Variants in KCTD8 observed in about 807,000 individuals in gnomAD.
The protein encoded by KCTD8 is BTB/POZ domain-containing protein KCTD8.
KCTD8 carries 27 observed loss-of-function variants against 31.5 expected under a neutral mutation model. That is an observed-to-expected ratio of 0.86 (90% CI 0.63 to 1.18). The LOEUF is 1.18. Ranked by LOEUF, KCTD8 falls within the 50% of genes most tolerant of loss-of-function variation. The pLI is 0.00. For missense variants in KCTD8, 658 were observed against 647.7 expected, an observed-to-expected ratio of 1.02 and a Z score of -0.17; for synonymous variants, 290 against 280.0, an observed-to-expected ratio of 1.04 and a Z score of -0.36.
chr4:44,175,606 CTCTA>C (rs1422680814), intron 1 of KCTD8, among the ~76,000 whole-genome samples: 2 of 152,084 alleles, frequency 1.3e-5, no homozygotes, highest in African/African-American at 2.4e-5. Flanking sequence ...TTTGTTAGCC[CTCTA>C]TCTGTTTTGT....
At chr4:44,377,792 A>C (rs1707898367) in intron 1 of KCTD8, among the ~76,000 whole-genome samples, 1 of 152,156 alleles carries the variant, frequency 6.6e-6, no homozygotes, top group Non-Finnish European at 1.5e-5. Flanking sequence ...AGTAGTGTGG[A>C]CTTGTTATCT....
intron 1 of KCTD8, among the ~76,000 whole-genome samples, chr4:44,301,494 T>A (rs1431433895): frequency 1.3e-5 from 2 of 152,266 alleles, no homozygotes; most frequent in African/African-American, 4.8e-5. Flanking sequence ...TTCATATGTC[T>A]TTTGGCTGCA....
intron 1 of KCTD8, among the ~76,000 whole-genome samples, chr4:44,284,953 A>G (rs1488545059): frequency 1.3e-5 from 2 of 152,220 alleles, no homozygotes; most frequent in Non-Finnish European, 2.9e-5. Context: ...AATGGTGATC[A>G]TTAAAAAGTC....
intron 1 of KCTD8, among the ~76,000 whole-genome samples, chr4:44,283,027 TA>T (rs1716943582): frequency 0.015 from 90 of 5,930 alleles, no homozygotes; most frequent in Non-Finnish European, 0.024. Flanking sequence ...CAACACATTT[TA>T]TTATTATTAT....
At chr4:44,192,511 C>T (rs567032083) in intron 1 of KCTD8, among the ~76,000 whole-genome samples, 1 of 146,362 alleles carries the variant, frequency 6.8e-6, no homozygotes, top group South Asian at 2.2e-4. Flanking sequence ...CACACACACA[C>T]ACACAGAACT....
chr4:44,303,774 T>C (rs867983410), intron 1 of KCTD8, among the ~76,000 whole-genome samples: 7 of 151,696 alleles, frequency 4.6e-5, no homozygotes, highest in Non-Finnish European at 1.0e-4. Flanking sequence ...AATTGCACCA[T>C]TGCACTCCAG....
intron 1 of KCTD8, among the ~76,000 whole-genome samples, chr4:44,446,340 C>T (rs1020488643): frequency 7.2e-5 from 11 of 152,202 alleles, no homozygotes; most frequent in Non-Finnish European, 1.5e-4. Context: ...CTATTTCCAT[C>T]ACAGGATTTC....
chr4:44,388,179 T>C (rs1266605679), intron 1 of KCTD8, among the ~76,000 whole-genome samples: 2 of 151,876 alleles, frequency 1.3e-5, no homozygotes, highest in Non-Finnish European at 2.9e-5. Flanking sequence ...CGAGTCAGAA[T>C]GGCTACTATT....
chr4:44,317,010 A>T (rs73247506), intron 1 of KCTD8, among the ~76,000 whole-genome samples: 34,283 of 149,506 alleles, frequency 0.23, 4,662 homozygotes, highest in Non-Finnish European at 0.31. Context: ...ATAATAATAA[A>T]AAAAAAACAA....
chr4:44,177,026 C>T (rs1181381632), intron 1 of KCTD8, among the ~76,000 whole-genome samples: 3 of 152,058 alleles, frequency 2.0e-5, no homozygotes, highest in South Asian at 2.1e-4. Context: ...GTATTTGCAA[C>T]CAAATATTTA....
chr4:44,279,153 T>C (rs764747758), intron 1 of KCTD8, among the ~76,000 whole-genome samples: 11 of 152,224 alleles, frequency 7.2e-5, no homozygotes, highest in Admixed American at 1.3e-4. Context: ...GCATTATCTA[T>C]AGTTGCCATA....
chr4:44,385,784 A>C (rs972798251), intron 1 of KCTD8, among the ~76,000 whole-genome samples: 1 of 151,668 alleles, frequency 6.6e-6, no homozygotes, highest in Admixed American at 6.6e-5. Context: ...GAATGAGGGA[A>C]GTATCTTCAA....
At chr4:44,210,254 A>G (rs904858954) in intron 1 of KCTD8, among the ~76,000 whole-genome samples, 1 of 152,186 alleles carries the variant, frequency 6.6e-6, no homozygotes, top group African/African-American at 2.4e-5. Context: ...TGGAAGTCAG[A>G]TTATTACAGT....
chr4:44,213,554 C>T (rs1043255197), intron 1 of KCTD8, among the ~76,000 whole-genome samples: 1 of 151,996 alleles, frequency 6.6e-6, no homozygotes, highest in African/African-American at 2.4e-5. Flanking sequence ...ATGAATTTTC[C>T]AATTAATCAT....
At chr4:44,323,480 G>A (rs371513735) in intron 1 of KCTD8, among the ~76,000 whole-genome samples, 1 of 147,518 alleles carries the variant, frequency 6.8e-6, no homozygotes, top group African/African-American at 2.5e-5. Flanking sequence ...GGCGACAAGA[G>A]TGAAACTCCA....
chr4:44,281,129 G>T (rs1418232242), intron 1 of KCTD8, among the ~76,000 whole-genome samples: 2 of 75,738 alleles, frequency 2.6e-5, no homozygotes, highest in Non-Finnish European at 5.5e-5. Context: ...GTGAGGATTA[G>T]CACGAGAGCC....
intron 1 of KCTD8, among the ~76,000 whole-genome samples, chr4:44,252,004 C>T (rs982204053): frequency 2.6e-5 from 4 of 151,632 alleles, no homozygotes; most frequent in Non-Finnish European, 5.9e-5. Flanking sequence ...GTCTTTTATC[C>T]TTCACCCTCA....
intron 1 of KCTD8, among the ~76,000 whole-genome samples, chr4:44,197,270 A>G (rs1713974543): frequency 6.6e-6 from 1 of 152,128 alleles, no homozygotes; most frequent in Admixed American, 6.5e-5. Flanking sequence ...GCCTCCCTCC[A>G]CAGGGCAAGT....
chr4:44,211,298 T>C (rs974918307), intron 1 of KCTD8, among the ~76,000 whole-genome samples: 7 of 152,204 alleles, frequency 4.6e-5, no homozygotes, highest in Non-Finnish European at 5.9e-5. Context: ...TCTACATATT[T>C]CATAAAGACA....
Sources: gnomAD v4.1 joint callset for allele counts (sites outside exome capture counted in the v4.1 genomes callset) on GRCh38, gnomAD v4.1.1 for gene constraint, MANE v1.5 for transcripts, NCBI Gene and HGNC (gene_info 2026-07-23, HGNC 2026-07-21) for gene names.